The following AP5M1 variants were observed in gnomAD, a reference collection of about 807,000 sequenced individuals.
AP5M1 encodes AP-5 complex subunit mu-1.
AP5M1 carries 44 observed loss-of-function variants against 52.3 expected under a neutral mutation model. That is an observed-to-expected ratio of 0.84 (90% CI 0.66 to 1.08). The LOEUF is 1.08. AP5M1 is among the 50% of genes least tolerant of loss of function. AP5M1 has a pLI of 0.00. For synonymous variants in AP5M1, 213 were observed against 199.0 expected, an observed-to-expected ratio of 1.07 and a Z score of -0.59; for missense variants, 526 against 568.4, an observed-to-expected ratio of 0.93 and a Z score of 0.76.
In AP5M1 at chr14:57,293,646, T is replaced by G. The variant is rs1885488117; in HGVS notation, c.*4762T>G. On this transcript the variant is annotated 3_prime_UTR_variant, in exon 8 of 8. Transcript: ENST00000261558. ...GCTAAGAAACTAGTGTTTTTAATCA[T>G]TACACTCCGTGCAGTCATATTTAAT... is the stretch of plus-strand genomic sequence containing the variant. The G allele has an allele frequency of 6.6e-6, 1 of 151,722 alleles. No individual in the cohort carries two copies. Among genetic ancestry groups the G allele is most frequent in the African/African-American group, 2.4e-5 (1 of 41,390 alleles). The allele number at this position is 151,722 out of a possible 1,614,324, so 9.4% of individuals were successfully genotyped here. A position where few individuals can be genotyped will look rare whatever the true frequency, so the allele number is the denominator to read the frequency against.
rs948322683 is a variant in AP5M1, at chr14:57,290,767, C to T, written c.*1883C>T. 2.0e-5 allele frequency: 3 copies of T among 151,872 alleles called. No individual in the cohort carries two copies. Among genetic ancestry groups the T allele is most frequent in the African/African-American group, 7.2e-5 (3 of 41,400 alleles). The allele number at this position is 151,872 out of a possible 1,614,324, so 9.4% of individuals were successfully genotyped here. On this transcript the variant is annotated 3_prime_UTR_variant, in exon 8 of 8. Coordinates refer to ENST00000261558, the MANE Select transcript of AP5M1 (RefSeq NM_018229.4). ...ACTTAGGTTTTCATCCCATTGAGAT[C>T]AGCTGGGCACACTGTGATGCTTTTG...
rs1258583857 is a variant in AP5M1, at chr14:57,280,400, A to G, written c.926A>G (p.Asn309Ser). Residue 309 changes from asparagine (N) to serine (S), a missense_variant, in exon 3 of 8, where the codon AAC (asparagine) becomes AGC (serine). Transcript: ENST00000261558. ...TTCACTCCACCTTTAGAGTCATTCA[A>G]CTTATGCTTCTACACTTCCCAGGTA... Reference protein sequence around the residue: ...FPFTPPLESFNLCFYTSQVPV... With the variant: ...FPFTPPLESFSLCFYTSQVPV... The G allele has an allele frequency of 6.2e-7, 1 of 1,612,496 alleles. No individual in the cohort carries two copies. Among genetic ancestry groups the G allele is most frequent in the Non-Finnish European group, 8.5e-7 (1 of 1,178,500 alleles).
Position 57,280,320 on chromosome 14 carries a change from T to C in AP5M1, c.846T>C (p.Ser282=), listed in dbSNP as rs1885140742. The C allele has an allele frequency of 1.2e-6, 2 of 1,613,536 alleles. No individual in the cohort carries two copies. The highest frequency in any genetic ancestry group is 1.1e-5 in the South Asian group (1 of 91,078). ...VTSLDSAILT[S]SSIDAMDDSA... is the part of the protein sequence containing the mutation. ...CTCTTGACTCTGCAATTCTGACTTC[T>C]AGTAGTATTGATGCAATGGATGACT... Residue 282 remains serine (S), a synonymous_variant, in exon 3 of 8, where the codon TCT becomes TCC. Coordinates refer to ENST00000261558, the MANE Select transcript of AP5M1 (RefSeq NM_018229.4).
intron 1 of AP5M1, among the ~76,000 whole-genome samples, chr14:57,272,254 T>A (rs1884912916): frequency 1.3e-5 from 2 of 152,202 alleles, no homozygotes; most frequent in Non-Finnish European, 2.9e-5. Flanking sequence ...TTTTATTATA[T>A]TTTCAGTTTT....
At chr14:57,288,094 A>C (rs751403030) in intron 7 of AP5M1, among the ~76,000 whole-genome samples, 5 of 152,080 alleles carry the variant, frequency 3.3e-5, no homozygotes, top group African/African-American at 1.2e-4. Flanking sequence ...AAAAAAGACA[A>C]TATAGTCTAT....
intron 1 of AP5M1, among the ~76,000 whole-genome samples, chr14:57,270,001 G>T (rs1026011372): frequency 4.6e-5 from 7 of 152,056 alleles, no homozygotes; most frequent in African/African-American, 1.7e-4. Context: ...GTAGAGAGGG[G>T]GTTTCACCGT....
rs1005274962 is a variant in AP5M1 at position 57,296,356 on chromosome 14, C to A, written c.*7472C>A. 1.3e-5 allele frequency: 2 copies of A among 151,908 alleles called. No homozygotes were observed. Among genetic ancestry groups the A allele is most frequent in the African/African-American group, 4.8e-5 (2 of 41,390 alleles). The allele number at this position is 151,908 out of a possible 1,614,324, so 9.4% of individuals were successfully genotyped here. On this transcript the variant is annotated 3_prime_UTR_variant, in exon 8 of 8. Transcript: ENST00000261558. ...ATCTATCACAGTTATCAAAGATTAC[C>A]CCTTGCTAAAGGCTCTTAAGAAACT...
chr14:57,283,211 G>A lies in AP5M1; in HGVS notation c.1274G>A (p.Gly425Glu). 6.2e-7 allele frequency: 1 copy of A among 1,609,758 alleles called. No individual in the cohort carries two copies. Among genetic ancestry groups the A allele is most frequent in the Non-Finnish European group, 8.5e-7 (1 of 1,176,460 alleles). The stretch of plus-strand genomic sequence containing the variant: ...CAGCCATTTGACCCAATTTGTACTG[G>A]AGAAACAGCATATTTAAAGGTAAAC... ...EKQPFDPICT[G>E]ETAYLKLHFR... Residue 425 changes from glycine to glutamate, a missense_variant, in exon 6 of 8, where the codon GGA (glycine) becomes GAA (glutamate). Physicochemically the swap from Gly to Glu is moderately conservative, Grantham distance 98 (BLOSUM62 -2). This residue lies in a region of AP5M1 where 97 missense variants were observed against 121.3 expected (regional missense o/e 0.80). Coordinates refer to ENST00000261558, the MANE Select transcript of AP5M1 (RefSeq NM_018229.4).
At chr14:57,271,155 C>CT (rs1365535722) in intron 1 of AP5M1, 2 of 152,230 alleles carry the variant, frequency 1.3e-5, no homozygotes, top group Admixed American at 6.5e-5. Flanking sequence ...TCTTCTTGCT[C>CT]TGTAGTACTC....
intron 2 of AP5M1, 86 bp from the exon 3 acceptor site, chr14:57,280,109 G>T: frequency 1.0e-6 from 1 of 956,432 alleles, no homozygotes; most frequent in Non-Finnish European, 1.7e-6. Flanking sequence ...GTTAATTGGG[G>T]AAAATGACTT....
chr14:57,287,460 ATT>A (rs1366126911), intron 7 of AP5M1, among the ~76,000 whole-genome samples: 1 of 152,000 alleles, frequency 6.6e-6, no homozygotes, highest in Non-Finnish European at 1.5e-5. Context: ...CTCTTACATC[ATT>A]TTTTTGTTGT....
rs1884805940 is a variant in AP5M1, at chr14:57,269,111, T to C, written c.-204T>C. On this transcript the variant is annotated 5_prime_UTR_variant, in exon 1 of 8. Transcript: ENST00000261558. ...TATAGGTTGGGGTTCTTAGAACTTT[T>C]TGTGGTGTGTGTTGGCCTAGAGCGA... The C allele has an allele frequency of 3.4e-6, 2 of 587,746 alleles. No individual in the cohort carries two copies. The highest frequency in any genetic ancestry group is 3.3e-5 in the Admixed American group (1 of 30,402). 36.4% of individuals were successfully genotyped at this position (587,746 alleles called of 1,614,324 possible).
intron 1 of AP5M1, among the ~76,000 whole-genome samples, chr14:57,270,016 G>A (rs1052695169): frequency 6.6e-6 from 1 of 152,114 alleles, no homozygotes; most frequent in Non-Finnish European, 1.5e-5. Flanking sequence ...CACCGTGTTA[G>A]CCAGGATAGT....
chr14:57,284,230 A>C (rs2139694893), intron 6 of AP5M1, among the ~76,000 whole-genome samples: 1 of 152,372 alleles, frequency 6.6e-6, no homozygotes, highest in East Asian at 1.9e-4. Flanking sequence ...GTTTAGGTAA[A>C]GAAATTACTT....
chr14:57,283,551 G>A (rs1885236108), intron 6 of AP5M1, among the ~76,000 whole-genome samples: 1 of 152,164 alleles, frequency 6.6e-6, no homozygotes, highest in Non-Finnish European at 1.5e-5. Context: ...TTGTGCCACT[G>A]CACTGCAACC....
In AP5M1 at chr14:57,289,446, G is replaced by A. The variant is rs1885388634; in HGVS notation, c.*562G>A. The A allele has an allele frequency of 6.6e-6, 1 of 152,086 alleles. No individual in the cohort carries two copies. Among genetic ancestry groups the A allele is most frequent in the Non-Finnish European group, 1.5e-5 (1 of 68,018 alleles). The allele number at this position is 152,086 out of a possible 1,614,324, so 9.4% of individuals were successfully genotyped here. ...AACAGCCAACAGAGACAAAGGAAAA[G>A]TGTTTAAATAGTAAGCTGTTCTTCT... is the stretch of plus-strand genomic sequence containing the variant. On this transcript the variant is annotated 3_prime_UTR_variant, in exon 8 of 8. Transcript: ENST00000261558.
chr14:57,294,121 G>T lies in AP5M1; in HGVS notation c.*5237G>T, dbSNP rs1023791192. 1 of 151,824 alleles carries T rather than the reference G, an allele frequency of 6.6e-6. No homozygotes were observed. Among genetic ancestry groups the T allele is most frequent in the Non-Finnish European group, 1.5e-5 (1 of 67,814 alleles). The allele number at this position is 151,824 out of a possible 1,614,324, so 9.4% of individuals were successfully genotyped here. A position where few individuals can be genotyped will look rare whatever the true frequency, so the allele number is the denominator to read the frequency against. ...TGCCTTATAAGCAGGATACTGCAAG[G>T]TCTGGTTGATTTCTCTAATGCCCTA... On this transcript the variant is annotated 3_prime_UTR_variant, in exon 8 of 8. Coordinates refer to ENST00000261558, the MANE Select transcript of AP5M1 (RefSeq NM_018229.4).
At chr14:57,277,600 A>G (rs368187816) in intron 2 of AP5M1, among the ~76,000 whole-genome samples, 1 of 152,022 alleles carries the variant, frequency 6.6e-6, no homozygotes, top group South Asian at 2.1e-4. Flanking sequence ...CAGACCTTAT[A>G]AAGGCACTAA....
Position 57,288,809 on chromosome 14 carries a change from A to G in AP5M1, c.1398A>G (p.Lys466=). The G allele has an allele frequency of 6.3e-7, 1 of 1,581,436 alleles. No homozygotes were observed. The highest frequency in any genetic ancestry group is 8.7e-7 in the Non-Finnish European group (1 of 1,155,572). The part of the protein sequence containing the change: ...SGKPKISAHR[K]LISSDYYIWN... ...TCTTTTTCTTTTCTTTAGACCGGAAACTAATTTCTTCTGATTATTACATCT... is the reference window on the plus strand; with the variant it reads ...TCTTTTTCTTTTCTTTAGACCGGAAGCTAATTTCTTCTGATTATTACATCT... The change falls in exon 8 of 8, where the codon AAA becomes AAG. Residue 466 remains lysine, a synonymous_variant. Transcript: ENST00000261558.
Sources: allele counts gnomAD v4.1 joint callset (sites outside exome capture counted in the v4.1 genomes callset), GRCh38; gene constraint gnomAD v4.1.1; regional missense constraint gnomAD v4.1.1; transcripts MANE v1.5; gene names NCBI Gene and HGNC (gene_info 2026-07-23, HGNC 2026-07-21).